The following SVEP1 variants were observed in gnomAD, a reference collection of about 807,000 sequenced individuals.
SVEP1 encodes the protein sushi, von Willebrand factor type A, EGF and pentraxin domain containing 1.
In SVEP1, 164 loss-of-function variants were observed where a neutral mutation model predicts 367.3. That is an observed-to-expected ratio of 0.45 (90% confidence interval 0.39 to 0.51). SVEP1 has a LOEUF of 0.51. Among genes scored for constraint, SVEP1 ranks in the 20% least tolerant of loss-of-function variants. The pLI is 0.00. For synonymous variants in SVEP1, 1,666 were observed against 1,611.6 expected (o/e 1.03, Z -0.81); for missense variants, 4,117 against 4,425.3 (o/e 0.93, Z 1.98).
At chr9:110,549,723 C>T (rs1564173835) in intron 2 of SVEP1, 126 bp downstream of exon 2, 5 of 1,205,054 alleles carry the variant, frequency 4.1e-6, no homozygotes, top group Non-Finnish European at 5.8e-6. Context: ...CCAAAGGACA[C>T]ATGGGCATCA....
At chr9:110,380,623 T>C (rs1415180899) in intron 43 of SVEP1, among the ~76,000 whole-genome samples, 1 of 152,238 alleles carries the variant, frequency 6.6e-6, no homozygotes, top group Non-Finnish European at 1.5e-5. Flanking sequence ...TTTGTATTGA[T>C]GTTCATCGGG....
chr9:110,386,819 G>A (rs1164832870), intron 42 of SVEP1, among the ~76,000 whole-genome samples: 2 of 152,242 alleles, frequency 1.3e-5, no homozygotes, highest in Non-Finnish European at 2.9e-5. Flanking sequence ...GTTAACAAGA[G>A]CAGTCTCAAC....
chr9:110,554,894 G>A (rs553478680), intron 1 of SVEP1, among the ~76,000 whole-genome samples: 1 of 152,150 alleles, frequency 6.6e-6, no homozygotes, highest in African/African-American at 2.4e-5. Context: ...CACCTTTGAG[G>A]AAAAGTCCAA....
chr9:110,460,733 A>G (rs1465557234), intron 18 of SVEP1, among the ~76,000 whole-genome samples: 2 of 152,144 alleles, frequency 1.3e-5, no homozygotes, highest in Non-Finnish European at 2.9e-5. Flanking sequence ...AGCCTGAGCA[A>G]CGGAGTGAGA....
intron 32 of SVEP1, 47 bp from the exon 33 acceptor site, chr9:110,430,497 C>A: frequency 6.5e-7 from 1 of 1,542,560 alleles, no homozygotes; most frequent in Non-Finnish European, 8.8e-7. Context: ...TTTCACACAA[C>A]CATGCAAAGT....
chr9:110,572,863 G>A (rs928885791), intron 1 of SVEP1, among the ~76,000 whole-genome samples: 2 of 145,062 alleles, frequency 1.4e-5, no homozygotes, highest in Non-Finnish European at 3.0e-5. Context: ...GTCTGGAATT[G>A]TTGTACGTAC....
intron 26 of SVEP1, among the ~76,000 whole-genome samples, chr9:110,444,800 C>A (rs1224548675): frequency 1.3e-5 from 2 of 152,096 alleles, no homozygotes; most frequent in African/African-American, 4.8e-5. Context: ...CTGCATTTTT[C>A]CAGTTTCTCT....
At chr9:110,423,132 A>G (rs1468741900) in intron 36 of SVEP1, among the ~76,000 whole-genome samples, 1 of 128,816 alleles carries the variant, frequency 7.8e-6, no homozygotes, top group Non-Finnish European at 1.6e-5. Context: ...AAAAATAATA[A>G]TAATAAAAAA....
chr9:110,466,099 G>A (rs1588067282), intron 17 of SVEP1, 73 bp from the exon 18 acceptor site: 4 of 1,442,048 alleles, frequency 2.8e-6, no homozygotes, highest in Non-Finnish European at 3.7e-6. Flanking sequence ...TGCGGGATAG[G>A]GTTTTCTGCA....
intron 18 of SVEP1, among the ~76,000 whole-genome samples, chr9:110,461,002 G>A (rs911407693): frequency 6.6e-6 from 1 of 151,918 alleles, no homozygotes; most frequent in South Asian, 2.1e-4. Flanking sequence ...ACCCCTACTT[G>A]CTTGTTTTTT....
At chr9:110,412,967 G>A (rs1828065570) in intron 36 of SVEP1, among the ~76,000 whole-genome samples, 1 of 151,508 alleles carries the variant, frequency 6.6e-6, no homozygotes, top group African/African-American at 2.4e-5. Context: ...TTCAACCATT[G>A]TGGAAGTCAG....
chr9:110,579,653 A>C lies in SVEP1; in HGVS notation c.-110T>G. The C allele has an allele frequency of 7.8e-7, 1 of 1,280,996 alleles. No homozygotes were observed. The highest frequency in any genetic ancestry group is 1.0e-6 in the Non-Finnish European group (1 of 977,982). 79.4% of individuals were successfully genotyped at this position (1,280,996 alleles called of 1,614,324 possible). A position where few individuals can be genotyped will look rare whatever the true frequency, so the allele number is the denominator to read the frequency against. On this transcript the variant is annotated 5_prime_UTR_variant, in exon 1 of 48. Coordinates refer to ENST00000374469, the MANE Select transcript of SVEP1 (RefSeq NM_153366.4). The surrounding 1 kb of genome is among the most constrained non-coding windows in gnomAD (Gnocchi z 5.3). ...GCGTGCGCGGAGCTGGGCGCGGGGC[A>C]GCGGCCAAGAGCCTCAGCGCCCTTT...
intron 26 of SVEP1, among the ~76,000 whole-genome samples, chr9:110,445,543 T>G (rs1423208124): frequency 6.6e-6 from 1 of 152,206 alleles, no homozygotes; most frequent in East Asian, 1.9e-4. Flanking sequence ...TTCTGAAACT[T>G]TATTCTACTG....
intron 3 of SVEP1, 157 bp from the exon 4 acceptor site, chr9:110,514,263 G>A (rs977876928): frequency 3.2e-5 from 30 of 939,780 alleles, no homozygotes; most frequent in Non-Finnish European, 6.4e-6. Flanking sequence ...TGTAATCCCT[G>A]TACTTTGGGA....
intron 1 of SVEP1, among the ~76,000 whole-genome samples, chr9:110,554,727 CGTGTGT>C (rs147546940): frequency 6.7e-6 from 1 of 148,672 alleles, no homozygotes; most frequent in Non-Finnish European, 1.5e-5. Context: ...TATAGATGTG[CGTGTGT>C]GTGTGTGTGT....
rs767200005 is a variant in SVEP1, at chr9:110,379,344, T to TA, written c.10408+2dup. 1.9e-6 allele frequency: 3 copies of TA among 1,613,188 alleles called. No individual in the cohort carries two copies. In the Admixed American group the frequency reaches 5.0e-5, roughly 27 times the overall value. On this transcript the variant is annotated splice_region_variant and intron_variant, in intron 44 of 47. Transcript: ENST00000374469. ...AGAAATAACCATTCAAATATTTCCT[T>TA]ACCTCTGCAAATAGGAGGTGATGTC...
At chr9:110,435,199 G>T in intron 29 of SVEP1, 42 bp downstream of exon 29, 2 of 1,604,632 alleles carry the variant, frequency 1.2e-6, no homozygotes, top group South Asian at 1.1e-5. Flanking sequence ...GTCCCAGGGT[G>T]GTCAAGAGAT....
chr9:110,504,105 A>G (rs2118757156), intron 5 of SVEP1, among the ~76,000 whole-genome samples: 1 of 152,034 alleles, frequency 6.6e-6, no homozygotes, highest in East Asian at 1.9e-4. Flanking sequence ...CCCAGGCTGA[A>G]GTGCAGTGGC....
chr9:110,484,802 ATATT>A (rs1254767838), intron 9 of SVEP1, among the ~76,000 whole-genome samples: 3 of 152,202 alleles, frequency 2.0e-5, no homozygotes, highest in Admixed American at 2.0e-4. Context: ...TCAAAAGAAG[ATATT>A]TATGCGGCCA....
Sources: allele counts gnomAD v4.1 joint callset (sites outside exome capture counted in the v4.1 genomes callset), GRCh38; gene constraint gnomAD v4.1.1; non-coding constraint Gnocchi (gnomAD v3.1); transcripts MANE v1.5; gene names NCBI Gene and HGNC (gene_info 2026-07-23, HGNC 2026-07-21).